Variants in CENPE observed in about 807,000 individuals in gnomAD.
CENPE encodes the protein centromere protein E.
CENPE carries 145 observed loss-of-function variants against 336.1 expected under a neutral mutation model. That is an observed-to-expected ratio of 0.43 (90% CI 0.38 to 0.50). The LOEUF is 0.50. Among genes scored for constraint, CENPE ranks in the 20% least tolerant of loss-of-function variants. The probability of loss-of-function intolerance (pLI) is 0.00; values close to 1 mark genes in which losing one functional copy is unlikely to be tolerated. For missense variants in CENPE, 2,719 were observed against 3,023.3 expected (o/e 0.90, Z 2.36); for synonymous variants, 1,013 against 984.8 (o/e 1.03, Z -0.54).
At chr4:103,187,251 T>C (rs1204508295) in intron 8 of CENPE, among the ~76,000 whole-genome samples, 1 of 152,222 alleles carries the variant, frequency 6.6e-6, no homozygotes, top group Non-Finnish European at 1.5e-5. Flanking sequence ...CCATATTTCT[T>C]GGAGGTTTGT....
intron 16 of CENPE, among the ~76,000 whole-genome samples, chr4:103,166,507 T>C (rs891356244): frequency 1.3e-5 from 2 of 152,220 alleles, no homozygotes; most frequent in African/African-American, 2.4e-5. Flanking sequence ...GGAGAACTTA[T>C]AGACTTTTAC....
intron 40 of CENPE, 122 bp from the exon 41 acceptor site, chr4:103,134,014 G>C: frequency 1.5e-6 from 1 of 680,306 alleles, no homozygotes; most frequent in East Asian, 2.7e-5. Context: ...TCTCACAAGT[G>C]AGGAAAAGGG....
In CENPE at chr4:103,160,775, C is replaced by A; in HGVS notation, c.2136G>T (p.Leu712Phe). ...SLIDGKVPKD[L>F]LCNLELEGKI... ...TTCCTTCCAATTCCAAATTACAGAG[C>A]AAATCTAGAAAGTTTTGGTAAATTG... The change falls in exon 21 of 49, where the codon TTG becomes TTT. Residue 712 changes from leucine to phenylalanine, a missense_variant. Around this residue, in one of 5 missense-constraint regions of CENPE, gnomAD observed 2,437 missense variants for 2,513.3 expected, o/e 0.97. Coordinates refer to ENST00000265148, the MANE Select transcript of CENPE (RefSeq NM_001813.3). The A allele has an allele frequency of 1.3e-6, 2 of 1,584,606 alleles. No homozygotes were observed. Among genetic ancestry groups the A allele is most frequent in the Non-Finnish European group, 1.7e-6 (2 of 1,167,586 alleles).
At position 103,182,844 on chromosome 4, in the gene CENPE, T is replaced by C. The variant is rs750510870; in HGVS notation, c.881A>G (p.Asn294Ser). 1.9e-6 allele frequency: 3 copies of C among 1,612,776 alleles called. No homozygotes were observed. In the South Asian group the frequency reaches 3.3e-5, roughly 18 times the overall value. ...TGTCTTTGCATTTCCTCCCAAGGAA[T>C]TCTGGAGAATTCGTGTTAACTTGCT... ...RDSKLTRILQ[N>S]SLGGNAKTRI... The change falls in exon 11 of 49, where the codon AAT (asparagine) becomes AGT (serine). Residue 294 changes from asparagine (N) to serine (S), a missense_variant. Coordinates refer to ENST00000265148, the MANE Select transcript of CENPE (RefSeq NM_001813.3).
chr4:103,130,882 A>C (rs1309333271), intron 42 of CENPE, among the ~76,000 whole-genome samples: 1 of 147,256 alleles, frequency 6.8e-6, no homozygotes, highest in Non-Finnish European at 1.5e-5. Context: ...AAGACAATAT[A>C]ATTGTGCTGA....
chr4:103,125,941 C>T (rs1208172604), intron 42 of CENPE, among the ~76,000 whole-genome samples: 1 of 151,356 alleles, frequency 6.6e-6, no homozygotes, highest in Non-Finnish European at 1.5e-5. Context: ...CACAACTCTG[C>T]TTAGATCCAT....
Position 103,139,168 on chromosome 4 carries a change from A to C in CENPE, c.6204+621T>G, listed in dbSNP as rs994877377. Among the ~76,000 whole-genome samples the C allele has an allele frequency of 2.8e-4, 42 of 151,766 alleles. 2 individuals are homozygous for C. Among genetic ancestry groups the C allele is most frequent in the Non-Finnish European group, 3.1e-4 (21 of 67,850 alleles). On this transcript the variant is annotated intron_variant, in intron 38 of 48. Coordinates refer to ENST00000265148, the MANE Select transcript of CENPE (RefSeq NM_001813.3). The stretch of plus-strand genomic sequence containing the variant: ...TTATCTTGTTCACTACAGTACCTAG[A>C]AGAATATTTGATGAATGAATTAAAT...
intron 33 of CENPE, among the ~76,000 whole-genome samples, chr4:103,144,119 G>T (rs950635955): frequency 6.6e-6 from 1 of 152,004 alleles, no homozygotes; most frequent in African/African-American, 2.4e-5. Flanking sequence ...TATGTTTTTA[G>T]TAGAGATGGC....
rs759693779 is a variant in CENPE, at chr4:103,145,179, G to A, written c.4728C>T (p.Asn1576=). 1.2e-6 allele frequency: 2 copies of A among 1,613,236 alleles called. No individual in the cohort carries two copies. The highest frequency in any genetic ancestry group is 2.7e-5 in the African/African-American group (2 of 74,840). The part of the protein sequence containing the change: ...SIESKMLELT[N]RLQESQEEIQ... ...TTTCTTCTTGACTTTCTTGAAGTCT[G>A]TTGGTCAACTCGAGCATCTTACTTT... Residue 1576 remains asparagine (N), a synonymous_variant, in exon 32 of 49, where the codon AAC becomes AAT. Coordinates refer to ENST00000265148, the MANE Select transcript of CENPE (RefSeq NM_001813.3).
rs61751593 is a variant in CENPE at position 103,139,999 on chromosome 4, T to C, written c.5994A>G (p.Glu1998=). 656 of 1,612,822 alleles carry C rather than the reference T, an allele frequency of 4.1e-4. 3 individuals carry two copies. The African/African-American group carries it at 7.9e-3, about 20-fold the overall frequency. The change falls in exon 38 of 49, where the codon GAA becomes GAG. Residue 1998 remains glutamate (E), a synonymous_variant. Transcript: ENST00000265148. ...CAAATTGCTTCTTCAACTGTTCCAT[T>C]TCATTAATTTTTTTATGACTCATAT... is the stretch of plus-strand genomic sequence containing the variant. ...DVNMSHKKIN[E]MEQLKKQFEA...
At chr4:103,110,699 G>T in intron 47 of CENPE, 129 bp downstream of exon 47, 1 of 537,226 alleles carries the variant, frequency 1.9e-6, no homozygotes. Flanking sequence ...TATTACCTGA[G>T]CTCTAAAAAT....
At position 103,153,133 on chromosome 4, in the gene CENPE, C is replaced by G; in HGVS notation, c.3151G>C (p.Glu1051Gln). ...QQRKIFSLIQ[E>Q]KNELQQMLES... The stretch of plus-strand genomic sequence containing the variant: ...AACATTTGTTGGAGTTCATTTTTCT[C>G]CTGTATTAAAGAAAATATCTTCCTT... Residue 1051 changes from glutamate (E) to glutamine (Q), a missense_variant, in exon 25 of 49, where the codon GAG becomes CAG. By Grantham distance (29) the Glu-to-Gln change is conservative (BLOSUM62 2). Coordinates refer to ENST00000265148, the MANE Select transcript of CENPE (RefSeq NM_001813.3). 1 of 1,612,706 alleles carries G rather than the reference C, an allele frequency of 6.2e-7. No individual in the cohort carries two copies. Among genetic ancestry groups the G allele is most frequent in the Non-Finnish European group, 8.5e-7 (1 of 1,179,204 alleles).
Position 103,145,130 on chromosome 4 carries a change from C to CT in CENPE, c.4776dup (p.Glu1593ArgfsTer22). 6.2e-7 allele frequency: 1 copy of CT among 1,610,898 alleles called. No individual in the cohort carries two copies. On this transcript the variant is annotated frameshift_variant, in exon 32 of 49. Transcript: ENST00000265148. LOFTEE classifies it high-confidence loss of function. ...GCCTCCTGTACTCTTTTCATTTCCT[C>CT]TTTTTCCTTAATCATAATTTGTATT...
chr4:103,110,024 T>C (rs1165092823), intron 47 of CENPE, among the ~76,000 whole-genome samples: 1 of 152,178 alleles, frequency 6.6e-6, no homozygotes, highest in East Asian at 1.9e-4. Flanking sequence ...GTGAACATGT[T>C]CCCCTGGCCT....
At chr4:103,184,788 AT>A (rs1240773123) in intron 9 of CENPE, among the ~76,000 whole-genome samples, 3 of 152,006 alleles carry the variant, frequency 2.0e-5, no homozygotes, top group Admixed American at 2.0e-4. Context: ...GCTTTTTGGA[AT>A]TTTCCTGGCT....
At position 103,159,220 on chromosome 4, in the gene CENPE, T is replaced by G. The variant is rs1175998919; in HGVS notation, c.2391A>C (p.Glu797Asp). Reference sequence around the variant, plus strand: ...CTAGGTCATCTTTTGTTTTCCCAATTTCTTCAAGTAAACCTTGAACTCTAC... The same window carrying G: ...CTAGGTCATCTTTTGTTTTCCCAATGTCTTCAAGTAAACCTTGAACTCTAC... ...KESRVQGLLE[E>D]IGKTKDDLAT... Residue 797 changes from glutamate (E) to aspartate (D), a missense_variant, in exon 22 of 49, where the codon GAA (glutamate) becomes GAC (aspartate). Transcript: ENST00000265148. 1 of 1,612,432 alleles carries G rather than the reference T, an allele frequency of 6.2e-7. No homozygotes were observed. The highest frequency in any genetic ancestry group is 8.5e-7 in the Non-Finnish European group (1 of 1,179,056).
intron 8 of CENPE, among the ~76,000 whole-genome samples, chr4:103,190,545 G>A (rs551453486): frequency 4.6e-5 from 7 of 152,262 alleles, no homozygotes; most frequent in Admixed American, 3.3e-4. Flanking sequence ...AATGGAGAAA[G>A]GATTGCCTAT....
In CENPE at chr4:103,178,004, C is replaced by G. The variant is rs113711415; in HGVS notation, c.1243-958G>C. On this transcript the variant is annotated intron_variant, in intron 13 of 48. Transcript: ENST00000265148. ...ATCCCACTATAGCTATTTAGCTCAT[C>G]AGGGGCTATTTAGCTCTGTTCCCTT... Among the ~76,000 whole-genome samples the G allele has an allele frequency of 1.7e-3, 253 of 151,308 alleles. 3 individuals are homozygous for G. The highest frequency in any genetic ancestry group is 5.7e-3 in the African/African-American group (237 of 41,258).
chr4:103,172,674 A>G (rs1458115620), intron 16 of CENPE, among the ~76,000 whole-genome samples: 1 of 152,036 alleles, frequency 6.6e-6, no homozygotes, highest in Non-Finnish European at 1.5e-5. Context: ...TGTAGATGAT[A>G]TGATCCTATA....
Sources: gnomAD v4.1 joint callset for allele counts (sites outside exome capture counted in the v4.1 genomes callset) on GRCh38, gnomAD v4.1.1 for gene constraint, gnomAD v4.1.1 regional missense constraint, MANE v1.5 for transcripts, NCBI Gene and HGNC (gene_info 2026-07-23, HGNC 2026-07-21) for gene names.